RALYL: variants seen among roughly 807,000 people sequenced by gnomAD.
RALYL encodes the protein RNA-binding Raly-like protein.
In RALYL, 29 loss-of-function variants were observed where a neutral mutation model predicts 35.1. The observed-to-expected ratio is 0.83, with a 90% CI of 0.61 to 1.13. The LOEUF (loss-of-function observed/expected upper bound fraction) is 1.13. Among genes scored for constraint, RALYL ranks in the 50% most tolerant of loss-of-function variants. The pLI, the probability that RALYL is intolerant of heterozygous loss-of-function variation, is 0.00. For synonymous variants in RALYL, 120 were observed against 127.6 expected (o/e 0.94, Z 0.40); for missense variants, 359 against 360.4 (o/e 1.00, Z 0.03).
intron 2 of RALYL, among the ~76,000 whole-genome samples, chr8:84,635,530 A>G (rs934115101): frequency 6.6e-6 from 1 of 151,772 alleles, no homozygotes; most frequent in African/African-American, 2.4e-5. Context: ...TAGCAACTTC[A>G]GTTCTACTGA....
intron 2 of RALYL, among the ~76,000 whole-genome samples, chr8:84,729,132 G>A (rs1317317279): frequency 6.6e-6 from 1 of 152,068 alleles, no homozygotes; most frequent in African/African-American, 2.4e-5. Context: ...CCATTTGTTT[G>A]TATCCTCTTT....
chr8:84,705,796 G>A lies in RALYL; in HGVS notation c.257-68783G>A. ...TAACTGCTATAGGATCGGGGGAGGTGAAGGAAATACAATTTTCCCTAGAAG... is the reference window on the plus strand; with the variant it reads ...TAACTGCTATAGGATCGGGGGAGGTAAAGGAAATACAATTTTCCCTAGAAG... On this transcript the variant is annotated intron_variant, in intron 2 of 8. Transcript: ENST00000521268. The A allele has an allele frequency of 1.0e-5, 8 of 801,772 alleles. No homozygotes were observed. The South Asian group carries it at 2.2e-4, about 22-fold the overall frequency. The allele number at this position is 801,772 out of a possible 1,614,324, so 49.7% of individuals were successfully genotyped here.
intron 1 of RALYL, among the ~76,000 whole-genome samples, chr8:84,470,403 A>T (rs1188233574): frequency 1.3e-5 from 2 of 152,130 alleles, no homozygotes; most frequent in Non-Finnish European, 2.9e-5. Flanking sequence ...AAATGAAATT[A>T]AAAACAGGAG....
chr8:84,624,879 C>G (rs1338395025), intron 2 of RALYL, among the ~76,000 whole-genome samples: 1 of 152,132 alleles, frequency 6.6e-6, no homozygotes, highest in Non-Finnish European at 1.5e-5. Context: ...TCTTTTACCT[C>G]CCAAAATTTC....
chr8:84,390,332 G>T (rs187715997), intron 1 of RALYL, among the ~76,000 whole-genome samples: 2,521 of 152,078 alleles, frequency 0.017, 68 homozygotes, highest in African/African-American at 0.057. Context: ...GCCTGACTTT[G>T]GTATCAGGAT....
At chr8:84,262,973 G>C (rs1397629770) in intron 1 of RALYL, among the ~76,000 whole-genome samples, 1 of 152,068 alleles carries the variant, frequency 6.6e-6, no homozygotes, top group East Asian at 1.9e-4. Context: ...TTAATAACAA[G>C]ATTAAATTTC....
At chr8:84,499,297 A>T (rs998349378) in intron 1 of RALYL, among the ~76,000 whole-genome samples, 2 of 152,106 alleles carry the variant, frequency 1.3e-5, no homozygotes, top group Non-Finnish European at 2.9e-5. Context: ...TTTTTTAAAC[A>T]TCACCCCCTC....
chr8:84,464,623 C>T (rs1184382991), intron 1 of RALYL, among the ~76,000 whole-genome samples: 1 of 151,136 alleles, frequency 6.6e-6, no homozygotes, highest in Non-Finnish European at 1.5e-5. Context: ...GTCTTTATAG[C>T]AGCATGATTT....
At chr8:84,431,174 C>T (rs188436784) in intron 1 of RALYL, among the ~76,000 whole-genome samples, 13 of 152,224 alleles carry the variant, frequency 8.5e-5, no homozygotes, top group Admixed American at 3.3e-4. Context: ...CTCACAACAG[C>T]CTATAAGGTT....
At chr8:84,277,201 G>C (rs996464016) in intron 1 of RALYL, among the ~76,000 whole-genome samples, 1 of 152,168 alleles carries the variant, frequency 6.6e-6, no homozygotes, top group African/African-American at 2.4e-5. Context: ...CATGGCTTGG[G>C]AGGCCTCACA....
intron 4 of RALYL, 55 bp downstream of exon 4, chr8:84,804,857 A>G: frequency 1.1e-6 from 1 of 906,250 alleles, no homozygotes; most frequent in Non-Finnish European, 1.5e-6. Flanking sequence ...AATTTCCAAG[A>G]ACTTCTGAGA....
At chr8:84,455,572 A>C (rs1156540198) in intron 1 of RALYL, among the ~76,000 whole-genome samples, 2 of 152,064 alleles carry the variant, frequency 1.3e-5, no homozygotes, top group Admixed American at 1.3e-4. Context: ...GAATTGAGCC[A>C]TTCAGGGTTT....
At chr8:84,252,548 T>C (rs1830400764) in intron 1 of RALYL, among the ~76,000 whole-genome samples, 1 of 152,168 alleles carries the variant, frequency 6.6e-6, no homozygotes, top group African/African-American at 2.4e-5. Flanking sequence ...TTCAACTATG[T>C]ATTTTTAAGC....
intron 2 of RALYL, among the ~76,000 whole-genome samples, chr8:84,584,495 C>T (rs1286016759): frequency 6.6e-6 from 1 of 151,668 alleles, no homozygotes; most frequent in African/African-American, 2.4e-5. Context: ...CTCAGCTACT[C>T]AGGAGGCTGA....
intron 8 of RALYL, among the ~76,000 whole-genome samples, chr8:84,908,405 T>C (rs2135653337): frequency 6.6e-6 from 1 of 152,256 alleles, no homozygotes; most frequent in East Asian, 1.9e-4. Context: ...TACTCTCTGC[T>C]TCCTACCTCT....
At position 84,850,026 on chromosome 8, in the gene RALYL, C is replaced by T. The variant is rs1198387620; in HGVS notation, c.412C>T (p.Arg138Trp). The part of the protein sequence containing the change: ...YDYYRDDFYN[R>W]LFDYHGRVPP... ...TTACTACAGAGATGATTTCTACAAT[C>T]GGTATGTGAATTTTTCATCCTTGTT... Residue 138 changes from arginine (R) to tryptophan (W), a missense_variant and splice_region_variant, in exon 5 of 9, where the codon CGG (arginine) becomes TGG (tryptophan). Arg to Trp is a moderately radical substitution (Grantham distance 101). Transcript: ENST00000521268. 5.5e-6 allele frequency: 8 copies of T among 1,464,690 alleles called. No individual in the cohort carries two copies. The highest frequency in any genetic ancestry group is 6.4e-6 in the Non-Finnish European group (7 of 1,098,870). The allele number at this position is 1,464,690 out of a possible 1,614,324, so 90.7% of individuals were successfully genotyped here. A position where few individuals can be genotyped will look rare whatever the true frequency, so the allele number is the denominator to read the frequency against.
At chr8:84,793,179 A>G (rs2133876436) in intron 3 of RALYL, among the ~76,000 whole-genome samples, 1 of 152,294 alleles carries the variant, frequency 6.6e-6, no homozygotes, top group South Asian at 2.1e-4. Flanking sequence ...GATGGTATTC[A>G]AAGCCACAAG....
intron 3 of RALYL, among the ~76,000 whole-genome samples, chr8:84,775,299 A>T (rs914903195): frequency 6.6e-6 from 1 of 152,068 alleles, no homozygotes. Context: ...TAGCTATTTT[A>T]CATATGTTGT....
At chr8:84,220,425 G>A (rs1821918515) in intron 1 of RALYL, among the ~76,000 whole-genome samples, 1 of 151,926 alleles carries the variant, frequency 6.6e-6, no homozygotes, top group African/African-American at 2.4e-5. Flanking sequence ...CCACAACTGG[G>A]AAGCAGATAA....
Sources: gnomAD v4.1 joint callset for allele counts (sites outside exome capture counted in the v4.1 genomes callset) on GRCh38, gnomAD v4.1.1 for gene constraint, MANE v1.5 for transcripts, NCBI Gene and HGNC (gene_info 2026-07-23, HGNC 2026-07-21) for gene names.